Variants in SAMD4A observed in about 807,000 individuals in gnomAD.
SAMD4A encodes the protein sterile alpha motif domain containing 4A.
A neutral mutation model predicts 81.3 loss-of-function variants in SAMD4A; 33 were observed. That is an observed-to-expected ratio of 0.41 (90% CI 0.31 to 0.54). SAMD4A has a LOEUF of 0.54. Among genes scored for constraint, SAMD4A ranks in the 20% least tolerant of loss-of-function variants. SAMD4A has a pLI of 0.37. For synonymous variants in SAMD4A, 389 were observed against 382.1 expected (o/e 1.02, Z -0.21); for missense variants, 854 against 951.1 (o/e 0.90, Z 1.34).
chr14:54,649,247 G>A (rs2035352510), intron 2 of SAMD4A, among the ~76,000 whole-genome samples: 1 of 152,192 alleles, frequency 6.6e-6, no homozygotes, highest in African/African-American at 2.4e-5. Flanking sequence ...ATTTTTAAAG[G>A]AAGATTTTTA....
chr14:54,768,584 T>C (rs915596190), intron 8 of SAMD4A, among the ~76,000 whole-genome samples: 1 of 152,158 alleles, frequency 6.6e-6, no homozygotes, highest in African/African-American at 2.4e-5. Flanking sequence ...AATAAGCCAG[T>C]CAAAAGCAGA....
At chr14:54,597,418 G>A (rs1280443389) in intron 2 of SAMD4A, among the ~76,000 whole-genome samples, 1 of 151,756 alleles carries the variant, frequency 6.6e-6, no homozygotes, top group Admixed American at 6.6e-5. Context: ...GGGATTACAG[G>A]CATGCGCCAC....
chr14:54,713,937 CCTCATCTAT>C (rs1436522095), intron 3 of SAMD4A, among the ~76,000 whole-genome samples: 5 of 152,146 alleles, frequency 3.3e-5, no homozygotes, highest in Non-Finnish European at 7.4e-5. Context: ...AGCCTCCTTT[CCTCATCTAT>C]AAAATGAGAA....
At chr14:54,658,030 C>T (rs952882929) in intron 2 of SAMD4A, among the ~76,000 whole-genome samples, 9 of 152,132 alleles carry the variant, frequency 5.9e-5, no homozygotes, top group East Asian at 1.9e-4. Context: ...AGAATGTGGC[C>T]GGCCGTGGTG....
At chr14:54,651,309 AT>A (rs1186006813) in intron 2 of SAMD4A, among the ~76,000 whole-genome samples, 4 of 152,170 alleles carry the variant, frequency 2.6e-5, no homozygotes, top group African/African-American at 4.8e-5. Flanking sequence ...AATACCTTTT[AT>A]TGTAATGCAC....
At chr14:54,644,299 G>T (rs1451308032) in intron 2 of SAMD4A, among the ~76,000 whole-genome samples, 1 of 152,048 alleles carries the variant, frequency 6.6e-6, no homozygotes, top group East Asian at 1.9e-4. Flanking sequence ...CAAATTTGGG[G>T]GTTAAATACC....
At chr14:54,594,059 T>C (rs940146999) in intron 2 of SAMD4A, among the ~76,000 whole-genome samples, 7 of 152,184 alleles carry the variant, frequency 4.6e-5, no homozygotes, top group African/African-American at 1.7e-4. Context: ...GTTTCTTCTG[T>C]TGCAGAAGTA....
At chr14:54,767,551 A>G (rs2038584477) in intron 8 of SAMD4A, among the ~76,000 whole-genome samples, 1 of 152,218 alleles carries the variant, frequency 6.6e-6, no homozygotes, top group Admixed American at 6.5e-5. Flanking sequence ...TCATCCAGCC[A>G]CATATGCTGG....
At chr14:54,780,350 T>C (rs2038968998) in intron 11 of SAMD4A, among the ~76,000 whole-genome samples, 1 of 152,332 alleles carries the variant, frequency 6.6e-6, no homozygotes, top group Non-Finnish European at 1.5e-5. Context: ...CAATTGGGAT[T>C]CTTCTGCCAT....
In SAMD4A at chr14:54,751,389, G is replaced by A. The variant is rs1357990516; in HGVS notation, c.1090-62G>A. ...AGTAAAAGCCTCCAAGAATCTGTAA[G>A]CTGATTCTTAAAAATATGTTTTTAA... On this transcript the variant is annotated intron_variant, in intron 5 of 12. Coordinates refer to ENST00000554335, the MANE Select transcript of SAMD4A (RefSeq NM_015589.6). The A allele has an allele frequency of 8.1e-6, 9 of 1,108,446 alleles. No individual in the cohort carries two copies. In the Admixed American group the frequency reaches 1.2e-4, roughly 15 times the overall value. The allele number at this position is 1,108,446 out of a possible 1,614,324, so 68.7% of individuals were successfully genotyped here. A position where few individuals can be genotyped will look rare whatever the true frequency, so the allele number is the denominator to read the frequency against.
intron 2 of SAMD4A, among the ~76,000 whole-genome samples, chr14:54,577,713 G>A (rs1227012029): frequency 6.6e-6 from 1 of 152,202 alleles, no homozygotes; most frequent in Non-Finnish European, 1.5e-5. Context: ...CTGGAGTCCA[G>A]GAGGCAGTTC....
intron 2 of SAMD4A, among the ~76,000 whole-genome samples, chr14:54,640,906 C>A (rs2035159525): frequency 6.6e-6 from 1 of 152,206 alleles, no homozygotes; most frequent in South Asian, 2.1e-4. Context: ...CTTCCATTAT[C>A]AAGAGTTTCC....
At chr14:54,679,502 G>C (rs1433121142) in intron 2 of SAMD4A, among the ~76,000 whole-genome samples, 2 of 152,172 alleles carry the variant, frequency 1.3e-5, no homozygotes, top group African/African-American at 4.8e-5. Context: ...CAAAGACCAA[G>C]TTTCCATGGC....
At chr14:54,657,722 A>T (rs1162404720) in intron 2 of SAMD4A, among the ~76,000 whole-genome samples, 3 of 152,172 alleles carry the variant, frequency 2.0e-5, no homozygotes. Context: ...GTGTAAGTGG[A>T]AATTAAGATT....
intron 12 of SAMD4A, among the ~76,000 whole-genome samples, chr14:54,788,185 G>C (rs1225782574): frequency 6.6e-6 from 1 of 152,178 alleles, no homozygotes; most frequent in Non-Finnish European, 1.5e-5. Context: ...ATCTGGATTT[G>C]TTTGGGTCAG....
intron 2 of SAMD4A, among the ~76,000 whole-genome samples, chr14:54,635,963 C>G (rs2035025707): frequency 6.6e-6 from 1 of 152,186 alleles, no homozygotes; most frequent in Non-Finnish European, 1.5e-5. Flanking sequence ...AAGATCCTTT[C>G]CCTCGTGGAG....
rs185986184 is a variant in SAMD4A at position 54,756,947 on chromosome 14, A to G, written c.1177-3214A>G. ...CAAAGGAGCTCCTCAGCTTTGTAAC[A>G]GCACGTTAGTTAATGAACAGCTTCA... is the stretch of plus-strand genomic sequence containing the variant. On this transcript the variant is annotated intron_variant, in intron 6 of 12. Coordinates refer to ENST00000554335, the MANE Select transcript of SAMD4A (RefSeq NM_015589.6). Among the ~76,000 whole-genome samples, 556 of 152,354 alleles carry G rather than the reference A, an allele frequency of 3.6e-3. 4 individuals are homozygous for G. Among genetic ancestry groups the G allele is most frequent in the Non-Finnish European group, 5.7e-3 (390 of 68,038 alleles).
intron 3 of SAMD4A, among the ~76,000 whole-genome samples, chr14:54,709,598 T>G (rs1246153397): frequency 6.6e-6 from 1 of 152,160 alleles, no homozygotes; most frequent in East Asian, 1.9e-4. Context: ...AAGAATGTAT[T>G]TTTTTAGCAC....
chr14:54,685,280 C>G lies in SAMD4A; in HGVS notation c.197-16782C>G, dbSNP rs560101624. Among the ~76,000 whole-genome samples the G allele has an allele frequency of 2.5e-3, 375 of 148,498 alleles. 8 individuals carry two copies. The South Asian group carries it at 0.034, about 14-fold the overall frequency. ...ATAACTCCCCATTCTTCCTGCCCCC[C>G]CCCCCAGCTCCTGGCAGCCACCATT... On this transcript the variant is annotated intron_variant, in intron 2 of 12. Transcript: ENST00000554335.
Sources: allele counts gnomAD v4.1 joint callset (sites outside exome capture counted in the v4.1 genomes callset), GRCh38; gene constraint gnomAD v4.1.1; transcripts MANE v1.5; gene names NCBI Gene and HGNC (gene_info 2026-07-23, HGNC 2026-07-21).